The following SLIT1 variants were observed in gnomAD, a reference collection of about 807,000 sequenced individuals.
SLIT1 encodes the protein slit guidance ligand 1.
A neutral mutation model predicts 186.1 loss-of-function variants in SLIT1; 66 were observed. That is an observed-to-expected ratio of 0.35 (90% CI 0.29 to 0.44). The LOEUF is 0.44. SLIT1 is among the 20% of genes least tolerant of loss of function. The pLI is 1.00. For missense variants in SLIT1, 1,638 were observed against 2,037.4 expected, an observed-to-expected ratio of 0.80 and a Z score of 3.77; for synonymous variants, 761 against 833.8, an observed-to-expected ratio of 0.91 and a Z score of 1.50.
In SLIT1 at chr10:97,080,933, G is replaced by A. The variant is rs150118553; in HGVS notation, c.414-14847C>T. On this transcript the variant is annotated intron_variant, in intron 4 of 36. Transcript: ENST00000266058. ...TATGGCCTGGTACCTGATCTCAGGA[G>A]AAGTCGTTCTGCAGGGTCAGTGCCA... 5.4e-3 allele frequency among the ~76,000 whole-genome samples: 828 copies of A among 152,364 alleles called. 3 individuals are homozygous for A. The highest frequency in any genetic ancestry group is 0.01 in the Middle Eastern group (3 of 294).
At chr10:97,163,092 C>T (rs187867496) in intron 3 of SLIT1, among the ~76,000 whole-genome samples, 1 of 152,336 alleles carries the variant, frequency 6.6e-6, no homozygotes, top group East Asian at 1.9e-4. Context: ...ATGTCACTTC[C>T]TCTGTATTAT....
In SLIT1 at chr10:97,157,902, A is replaced by G. The variant is rs771485548; in HGVS notation, c.342-13T>C. On this transcript the variant is annotated splice_polypyrimidine_tract_variant and intron_variant, in intron 3 of 36. Coordinates refer to ENST00000266058, the MANE Select transcript of SLIT1 (RefSeq NM_003061.3). ...TCGGTTCAGTCGCCTATAAAAGAGA[A>G]GAAGAATTGGAAATCACCTAGACAG... The G allele has an allele frequency of 2.1e-5, 33 of 1,606,740 alleles. No individual in the cohort carries two copies. The African/African-American group carries it at 4.2e-4, about 20-fold the overall frequency.
At chr10:97,114,001 C>T (rs1849487803) in intron 4 of SLIT1, among the ~76,000 whole-genome samples, 1 of 152,136 alleles carries the variant, frequency 6.6e-6, no homozygotes, top group South Asian at 2.1e-4. Flanking sequence ...ATCCACCCCG[C>T]TACCAGGTGC....
At chr10:97,039,334 T>A (rs1035239470) in intron 21 of SLIT1, among the ~76,000 whole-genome samples, 3 of 152,166 alleles carry the variant, frequency 2.0e-5, no homozygotes, top group Non-Finnish European at 4.4e-5. Flanking sequence ...ATCCTCCACA[T>A]GTGCTCAGAT....
intron 18 of SLIT1, among the ~76,000 whole-genome samples, chr10:97,046,095 C>T (rs1395191317): frequency 6.6e-6 from 1 of 152,192 alleles, no homozygotes; most frequent in East Asian, 1.9e-4. Flanking sequence ...ACACGATACA[C>T]ACCCTCAGGA....
chr10:97,126,741 C>T (rs549197986), intron 4 of SLIT1, among the ~76,000 whole-genome samples: 7 of 152,282 alleles, frequency 4.6e-5, no homozygotes, highest in East Asian at 3.9e-4. Flanking sequence ...TGGCTGGTCT[C>T]GGGCAGGTCC....
intron 4 of SLIT1, among the ~76,000 whole-genome samples, chr10:97,081,017 T>C (rs1197684404): frequency 6.6e-6 from 1 of 152,222 alleles, no homozygotes; most frequent in Non-Finnish European, 1.5e-5. Flanking sequence ...TTAGGGTATT[T>C]TGAAGAATGC....
chr10:97,044,216 G>A (rs577842903), intron 18 of SLIT1, among the ~76,000 whole-genome samples: 30 of 152,186 alleles, frequency 2.0e-4, no homozygotes, highest in Admixed American at 1.1e-3. Flanking sequence ...GCAACATAGC[G>A]AGACCTTGTC....
At chr10:97,007,084 A>G (rs565395137) in intron 31 of SLIT1, among the ~76,000 whole-genome samples, 1 of 152,360 alleles carries the variant, frequency 6.6e-6, no homozygotes, top group South Asian at 2.1e-4. Context: ...ACAAGCATAA[A>G]GAGGGAAGAG....
At chr10:97,069,317 G>C (rs1205287426) in intron 4 of SLIT1, among the ~76,000 whole-genome samples, 1 of 152,232 alleles carries the variant, frequency 6.6e-6, no homozygotes, top group Non-Finnish European at 1.5e-5. Context: ...TGACCGGGCT[G>C]GGCTTGTGGA....
At chr10:97,048,874 T>C in intron 14 of SLIT1, 81 bp downstream of exon 14, 1 of 659,408 alleles carries the variant, frequency 1.5e-6, no homozygotes, top group South Asian at 1.9e-5. Context: ...TGGGCAGGTA[T>C]GCAGGTGGAC....
chr10:97,041,473 A>T (rs1486420367), intron 20 of SLIT1, among the ~76,000 whole-genome samples: 2 of 138,458 alleles, frequency 1.4e-5, no homozygotes, highest in African/African-American at 2.8e-5. Context: ...CAAATCGTTA[A>T]TTTTTTTTTT....
chr10:97,161,927 A>G (rs1331871172), intron 3 of SLIT1, among the ~76,000 whole-genome samples: 1 of 152,226 alleles, frequency 6.6e-6, no homozygotes, highest in Non-Finnish European at 1.5e-5. Context: ...GTGAAATACT[A>G]CTTAGAGCAG....
chr10:97,037,451 G>A (rs1483359780), intron 22 of SLIT1, among the ~76,000 whole-genome samples: 1 of 151,962 alleles, frequency 6.6e-6, no homozygotes, highest in Non-Finnish European at 1.5e-5. Flanking sequence ...GGGGAGCTTT[G>A]GGGAGACGGC....
At chr10:97,090,793 C>A (rs1289152145) in intron 4 of SLIT1, among the ~76,000 whole-genome samples, 1 of 152,240 alleles carries the variant, frequency 6.6e-6, no homozygotes, top group Non-Finnish European at 1.5e-5. Context: ...AAATTGCAAG[C>A]CCCAAGTCGT....
At chr10:97,162,024 T>C (rs112987231) in intron 3 of SLIT1, among the ~76,000 whole-genome samples, 42 of 152,290 alleles carry the variant, frequency 2.8e-4, no homozygotes, top group African/African-American at 8.2e-4. Flanking sequence ...ATAATCATAA[T>C]AATAAACTTG....
intron 30 of SLIT1, among the ~76,000 whole-genome samples, chr10:97,013,178 A>G (rs972563115): frequency 6.6e-6 from 1 of 152,160 alleles, no homozygotes; most frequent in African/African-American, 2.4e-5. Flanking sequence ...ACTTATTCAC[A>G]TTTCTGCCAC....
At chr10:97,098,128 C>T (rs1849310440) in intron 4 of SLIT1, among the ~76,000 whole-genome samples, 1 of 152,210 alleles carries the variant, frequency 6.6e-6, no homozygotes, top group Admixed American at 6.5e-5. Flanking sequence ...GTGCCTTCCA[C>T]AGATGGGACA....
intron 1 of SLIT1, among the ~76,000 whole-genome samples, chr10:97,178,292 C>A (rs527896854): frequency 6.6e-6 from 1 of 152,216 alleles, no homozygotes; most frequent in Non-Finnish European, 1.5e-5. Context: ...CACGTGCCTT[C>A]TGACATGTTG....
Sources: allele counts gnomAD v4.1 joint callset (sites outside exome capture counted in the v4.1 genomes callset), GRCh38; gene constraint gnomAD v4.1.1; transcripts MANE v1.5; gene names NCBI Gene and HGNC (gene_info 2026-07-23, HGNC 2026-07-21).